CNTLN: variants seen among roughly 807,000 people sequenced by gnomAD.
CNTLN encodes the protein centlein, centrosomal protein.
In CNTLN, 212 loss-of-function variants were observed where a neutral mutation model predicts 180.0. The ratio of observed to expected loss-of-function variants is 1.18; its 90% confidence interval spans 1.05 to 1.32. The LOEUF (loss-of-function observed/expected upper bound fraction) is 1.32, where lower values mean the gene tolerates loss of function less well. CNTLN is among the 40% of genes most tolerant of loss of function. The pLI, the probability that CNTLN is intolerant of heterozygous loss-of-function variation, is 0.00. For missense variants in CNTLN, 2,095 were observed against 1,610.9 expected (o/e 1.30, Z -5.14); for synonymous variants, 722 against 563.1 (o/e 1.28, Z -3.99).
At chr9:17,435,327 A>T (rs1397963200) in intron 18 of CNTLN, among the ~76,000 whole-genome samples, 1 of 152,160 alleles carries the variant, frequency 6.6e-6, no homozygotes, top group South Asian at 2.1e-4. Flanking sequence ...TGTTCCAATA[A>T]TGCTTTCTGG....
chr9:17,450,736 C>T (rs958681764), intron 18 of CNTLN, among the ~76,000 whole-genome samples: 2 of 151,968 alleles, frequency 1.3e-5, no homozygotes, highest in African/African-American at 2.4e-5. Context: ...CTGCAGTTGT[C>T]AGAAAATAGT....
intron 2 of CNTLN, among the ~76,000 whole-genome samples, chr9:17,144,251 G>A (rs769101829): frequency 6.6e-6 from 1 of 152,124 alleles, no homozygotes; most frequent in Non-Finnish European, 1.5e-5. Context: ...TGGTTATTAT[G>A]AACACTTAAA....
intron 18 of CNTLN, among the ~76,000 whole-genome samples, chr9:17,438,283 T>C (rs1363129867): frequency 6.6e-6 from 1 of 152,134 alleles, no homozygotes; most frequent in Middle Eastern, 3.4e-3. Context: ...ATTGTTTAAA[T>C]ATCAAGGCAA....
At chr9:17,291,663 T>G (rs780390251) in intron 6 of CNTLN, among the ~76,000 whole-genome samples, 2 of 152,200 alleles carry the variant, frequency 1.3e-5, no homozygotes, top group Non-Finnish European at 2.9e-5. Context: ...GCTTGGTATA[T>G]TTTCCTCCAT....
At chr9:17,405,008 G>A (rs1827267298) in intron 15 of CNTLN, among the ~76,000 whole-genome samples, 1 of 151,660 alleles carries the variant, frequency 6.6e-6, no homozygotes, top group South Asian at 2.1e-4. Context: ...AAAGTGCTGG[G>A]ATTACAGATG....
chr9:17,490,415 A>C (rs181947746), intron 25 of CNTLN, among the ~76,000 whole-genome samples: 144 of 152,230 alleles, frequency 9.5e-4, no homozygotes, highest in Non-Finnish European at 1.8e-3. Flanking sequence ...AGAGAAAGAT[A>C]ATGATATCTT....
At chr9:17,464,156 A>C (rs537759849) in intron 20 of CNTLN, among the ~76,000 whole-genome samples, 2 of 151,312 alleles carry the variant, frequency 1.3e-5, no homozygotes, top group African/African-American at 2.4e-5. Flanking sequence ...GATTATCTTC[A>C]TATATCACTT....
chr9:17,194,350 T>A (rs879884101), intron 2 of CNTLN, among the ~76,000 whole-genome samples: 1 of 152,244 alleles, frequency 6.6e-6, no homozygotes, highest in Non-Finnish European at 1.5e-5. Flanking sequence ...CTAAATGTCT[T>A]TAACAGTATC....
chr9:17,412,970 T>G (rs1347603581), intron 16 of CNTLN, among the ~76,000 whole-genome samples: 1 of 152,150 alleles, frequency 6.6e-6, no homozygotes, highest in East Asian at 1.9e-4. Flanking sequence ...GATCTAAATT[T>G]TAGAACTGAA....
chr9:17,512,879 C>T, the CNTLN span, among the ~76,000 whole-genome samples: 1 of 152,100 alleles, frequency 6.6e-6, no homozygotes. Flanking sequence ...TGTGGTGGCG[C>T]GATCTCAGCT....
At position 17,500,963 on chromosome 9, in the gene CNTLN, G is replaced by A. The variant is rs12344851; in HGVS notation, c.4120-1588G>A. Among the ~76,000 whole-genome samples, 1,506 of 152,166 alleles carry A rather than the reference G, an allele frequency of 9.9e-3. 29 individuals carry two copies. Among genetic ancestry groups the A allele is most frequent in the Non-Finnish European group, 0.017 (1,165 of 68,008 alleles). ...AAAAGCAATTTGTCAAAATTAAAGC[G>A]TACTGCTTTTATCATTATCCTCCAT... On this transcript the variant is annotated intron_variant, in intron 25 of 25. Transcript: ENST00000380647.
chr9:17,137,824 C>G (rs905618166), intron 1 of CNTLN, among the ~76,000 whole-genome samples: 4 of 152,132 alleles, frequency 2.6e-5, no homozygotes, highest in Non-Finnish European at 4.4e-5. Context: ...TCAGAATAAG[C>G]ATGTAATAGA....
At chr9:17,304,337 A>G (rs1818564263) in intron 7 of CNTLN, among the ~76,000 whole-genome samples, 1 of 152,210 alleles carries the variant, frequency 6.6e-6, no homozygotes, top group Admixed American at 6.5e-5. Context: ...GTAGCCGTTC[A>G]TACAATTTTT....
intron 2 of CNTLN, among the ~76,000 whole-genome samples, chr9:17,187,062 C>T (rs1821475649): frequency 6.6e-6 from 1 of 151,894 alleles, no homozygotes. Flanking sequence ...ATTTCTGACC[C>T]CTGATCTACC....
At chr9:17,303,362 G>T (rs1041241150) in intron 7 of CNTLN, among the ~76,000 whole-genome samples, 1 of 152,140 alleles carries the variant, frequency 6.6e-6, no homozygotes, top group Admixed American at 6.5e-5. Flanking sequence ...TAAGTTAAAT[G>T]TTATTCAGAA....
intron 25 of CNTLN, among the ~76,000 whole-genome samples, chr9:17,498,350 C>T (rs1564155048): frequency 6.6e-6 from 1 of 152,150 alleles, no homozygotes; most frequent in South Asian, 2.1e-4. Context: ...AAGGAAGCCA[C>T]AATTTGTAAG....
At chr9:17,295,195 C>T (rs1272575914) in intron 6 of CNTLN, among the ~76,000 whole-genome samples, 4 of 152,068 alleles carry the variant, frequency 2.6e-5, no homozygotes, top group African/African-American at 4.8e-5. Context: ...AGCCCCAGTT[C>T]CCGCCCACGC....
intron 13 of CNTLN, among the ~76,000 whole-genome samples, chr9:17,387,250 C>A (rs75680780): frequency 0.02 from 3,035 of 152,138 alleles, 95 homozygotes; most frequent in African/African-American, 0.068. Context: ...CCTACAGCAG[C>A]CAAGCATACT....
intron 5 of CNTLN, among the ~76,000 whole-genome samples, chr9:17,263,528 C>T (rs932178654): frequency 6.6e-6 from 1 of 151,546 alleles, no homozygotes; most frequent in Non-Finnish European, 1.5e-5. Flanking sequence ...TTTATAGCAG[C>T]ATGATTTATA....
Sources: gnomAD v4.1 joint callset for allele counts (sites outside exome capture counted in the v4.1 genomes callset) on GRCh38, gnomAD v4.1.1 for gene constraint, MANE v1.5 for transcripts, NCBI Gene and HGNC (gene_info 2026-07-23, HGNC 2026-07-21) for gene names.